The following NFIB variants were observed in gnomAD, a reference collection of about 807,000 sequenced individuals.
NFIB encodes the protein nuclear factor I B.
NFIB carries 11 observed loss-of-function variants against 61.5 expected under a neutral mutation model. That is an observed-to-expected ratio of 0.18 (90% confidence interval 0.11 to 0.30). The LOEUF (loss-of-function observed/expected upper bound fraction) is 0.30. NFIB is among the 10% of genes least tolerant of loss of function. The pLI, the probability that NFIB is intolerant of heterozygous loss-of-function variation, is 1.00. For missense variants in NFIB, 471 were observed against 608.9 expected (o/e 0.77, Z 2.38); for synonymous variants, 260 against 216.5 (o/e 1.20, Z -1.76).
chr9:14,403,848 A>C (rs2061765932), upstream of NFIB, among the ~76,000 whole-genome samples: 1 of 152,220 alleles, frequency 6.6e-6, no homozygotes, highest in Non-Finnish European at 1.5e-5. Flanking sequence ...TTCTATAAGA[A>C]AAGGAAACAA....
intron 2 of NFIB, among the ~76,000 whole-genome samples, chr9:14,282,720 A>C (rs907405833): frequency 3.9e-5 from 6 of 152,222 alleles, no homozygotes; most frequent in Non-Finnish European, 8.8e-5. Flanking sequence ...AGGTTCCTGA[A>C]GGAGGGCGAC....
chr9:14,375,373 C>T (rs2061405815), intron 1 of NFIB, among the ~76,000 whole-genome samples: 1 of 152,060 alleles, frequency 6.6e-6, no homozygotes, highest in South Asian at 2.1e-4. Flanking sequence ...TACCTGGGGA[C>T]AGGGCCAGGT....
intron 2 of NFIB, among the ~76,000 whole-genome samples, chr9:14,224,811 G>A (rs905157081): frequency 5.9e-5 from 9 of 152,116 alleles, no homozygotes; most frequent in South Asian, 2.1e-4. Flanking sequence ...TTCCATTGTC[G>A]TATTTTCTTT....
At chr9:14,286,791 G>A (rs553750316) in intron 2 of NFIB, among the ~76,000 whole-genome samples, 7 of 151,134 alleles carry the variant, frequency 4.6e-5, no homozygotes, top group African/African-American at 7.4e-5. Flanking sequence ...TGAATAAGCC[G>A]CTTCACTGCA....
At chr9:14,105,952 G>A (rs970717774) in intron 10 of NFIB, among the ~76,000 whole-genome samples, 5 of 152,170 alleles carry the variant, frequency 3.3e-5, no homozygotes, top group Non-Finnish European at 4.4e-5. Flanking sequence ...GACAGAATCA[G>A]TGTTAGGTAA....
chr9:14,347,894 C>G (rs1306621505), intron 1 of NFIB, among the ~76,000 whole-genome samples: 2 of 152,160 alleles, frequency 1.3e-5, no homozygotes, highest in African/African-American at 4.8e-5. Context: ...CGAGCGCGCG[C>G]GCGCGCCAGG....
At chr9:14,435,397 C>T in the NFIB span, among the ~76,000 whole-genome samples, 4 of 152,214 alleles carry the variant, frequency 2.6e-5, no homozygotes, top group Non-Finnish European at 5.9e-5. Flanking sequence ...TGGAACCAGA[C>T]TATCTGGATT....
chr9:14,429,729 C>A, the NFIB span, among the ~76,000 whole-genome samples: 2,664 of 152,298 alleles, frequency 0.017, 32 homozygotes, highest in Middle Eastern at 0.051. Context: ...TGTCCTGCAC[C>A]TTAGGAGCGC....
rs573803728 is a variant in NFIB, at chr9:14,150,059, C to G, written c.806+86G>C. Reference sequence around the variant, plus strand: ...AAAAATTATTTCCCATCTCTCTTTACCTACCTACCTATCTATCTGCCTATC... The same window carrying G: ...AAAAATTATTTCCCATCTCTCTTTAGCTACCTACCTATCTATCTGCCTATC... On this transcript the variant is annotated intron_variant, in intron 5 of 10. Transcript: ENST00000380953. The G allele has an allele frequency of 1.9e-6, 3 of 1,550,008 alleles. No individual in the cohort carries two copies. The African/African-American group carries it at 4.1e-5, about 21-fold the overall frequency.
the NFIB span, among the ~76,000 whole-genome samples, chr9:14,484,553 G>A: frequency 6.6e-6 from 1 of 152,056 alleles, no homozygotes; most frequent in Non-Finnish European, 1.5e-5. Context: ...ATGCATCAGA[G>A]AAATAAATAA....
the NFIB span, among the ~76,000 whole-genome samples, chr9:14,416,824 C>T: frequency 6.6e-6 from 1 of 151,872 alleles, no homozygotes; most frequent in Admixed American, 6.6e-5. Flanking sequence ...CACTGACTCA[C>T]CTAGGGCAGC....
the NFIB span, among the ~76,000 whole-genome samples, chr9:14,522,669 T>G: frequency 3.3e-5 from 5 of 152,222 alleles, no homozygotes; most frequent in Non-Finnish European, 7.3e-5. Flanking sequence ...CTGCAGTGCA[T>G]GCTAGAGCAT....
At chr9:14,384,899 T>TA (rs2061531397) in intron 1 of NFIB, among the ~76,000 whole-genome samples, 1 of 152,156 alleles carries the variant, frequency 6.6e-6, no homozygotes, top group South Asian at 2.1e-4. Context: ...TCCTAAATCT[T>TA]ACTGTAGAAA....
At chr9:14,241,477 A>C (rs1457469098) in intron 2 of NFIB, among the ~76,000 whole-genome samples, 1 of 151,896 alleles carries the variant, frequency 6.6e-6, no homozygotes, top group Non-Finnish European at 1.5e-5. Context: ...ATTTTTCTTT[A>C]ATCGACTTTC....
chr9:14,371,946 C>T lies in NFIB; in HGVS notation c.108+26578G>A, dbSNP rs60542611. 2.3e-3 allele frequency among the ~76,000 whole-genome samples: 357 copies of T among 152,276 alleles called. 1 individual carries two copies. Among genetic ancestry groups the T allele is most frequent in the African/African-American group, 8.3e-3 (346 of 41,566 alleles). ...TTTGTGCTAGAGCAGCTCCTGGATG[C>T]TCCCCACTCTGCTCCAATTGGTCAT... On this transcript the variant is annotated intron_variant, in intron 1 of 8. Coordinates refer to the NFIB transcript ENST00000380934.
chr9:14,450,705 A>C, the NFIB span, among the ~76,000 whole-genome samples: 1 of 151,948 alleles, frequency 6.6e-6, no homozygotes, highest in Non-Finnish European at 1.5e-5. Context: ...ATTCCTGGGA[A>C]CTACTAAAAC....
chr9:14,390,052 A>G, intron 1 of NFIB, among the ~76,000 whole-genome samples: 1 of 152,174 alleles, frequency 6.6e-6, no homozygotes, highest in East Asian at 1.9e-4. Context: ...CCCTACCAAA[A>G]TCTGATCTCA....
chr9:14,312,925 T>C (rs2060351824), intron 1 of NFIB, among the ~76,000 whole-genome samples: 1 of 152,034 alleles, frequency 6.6e-6, no homozygotes. Flanking sequence ...GGGTTTCAGA[T>C]CCCCAAATAA....
intron 2 of NFIB, among the ~76,000 whole-genome samples, chr9:14,200,318 C>A (rs765064974): frequency 2.0e-5 from 3 of 152,140 alleles, no homozygotes; most frequent in Non-Finnish European, 4.4e-5. Flanking sequence ...TCAGAAGTTT[C>A]TTAAAGTCTA....
Sources: gnomAD v4.1 joint callset for allele counts (sites outside exome capture counted in the v4.1 genomes callset) on GRCh38, gnomAD v4.1.1 for gene constraint, MANE v1.5 for transcripts, NCBI Gene and HGNC (gene_info 2026-07-23, HGNC 2026-07-21) for gene names.